Variants in FBXO34 observed in about 807,000 individuals in gnomAD.
The protein encoded by FBXO34 is F-box protein 34.
FBXO34 carries 12 observed loss-of-function variants against 24.5 expected under a neutral mutation model. The observed-to-expected ratio is 0.49, with a 90% CI of 0.31 to 0.79. The LOEUF (loss-of-function observed/expected upper bound fraction) is 0.79. Among genes scored for constraint, FBXO34 ranks in the 30% least tolerant of loss-of-function variants. The pLI is 0.04. For synonymous variants in FBXO34, 320 were observed against 311.9 expected (o/e 1.03, Z -0.27); for missense variants, 823 against 857.7 (o/e 0.96, Z 0.51).
At chr14:55,314,879 C>A (rs2140008703) in intron 1 of FBXO34, among the ~76,000 whole-genome samples, 1 of 152,296 alleles carries the variant, frequency 6.6e-6, no homozygotes, top group South Asian at 2.1e-4. Context: ...CTTCATCCCC[C>A]CACTTCTCCC....
chr14:55,390,995 GA>G, the FBXO34 span: 9 of 1,596,718 alleles, frequency 5.6e-6, no homozygotes, highest in Non-Finnish European at 7.7e-6. Flanking sequence ...TTCCATCTCT[GA>G]AAAAAGCATG....
downstream of FBXO34, chr14:55,369,190 A>T (rs1353560123): frequency 6.5e-6 from 1 of 154,608 alleles, no homozygotes. Flanking sequence ...ATGTCCTAAT[A>T]ATCAAGAATC....
the FBXO34 span, chr14:55,411,962 C>T: frequency 7.9e-6 from 6 of 754,804 alleles, no homozygotes; most frequent in Middle Eastern, 3.9e-4. Context: ...GTTCCTGTCC[C>T]GGGCACTGTT....
the FBXO34 span, among the ~76,000 whole-genome samples, chr14:55,380,876 T>TATATA: frequency 0.16 from 12,772 of 79,818 alleles, 683 homozygotes; most frequent in Non-Finnish European, 0.2. Context: ...TATATATATA[T>TATATA]TTTTTTTTTT....
At chr14:55,312,645 T>G (rs59871474) in intron 1 of FBXO34, among the ~76,000 whole-genome samples, 5 of 152,082 alleles carry the variant, frequency 3.3e-5, no homozygotes, top group African/African-American at 9.7e-5. Context: ...TTCTTGACTT[T>G]CGTGCACCTG....
chr14:55,369,092 G>A (rs1280032316), downstream of FBXO34: 1 of 152,484 alleles, frequency 6.6e-6, no homozygotes, highest in South Asian at 2.1e-4. Context: ...CAAAATCAAA[G>A]GACCAAATTA....
At position 55,351,565 on chromosome 14, in the gene FBXO34, G is replaced by T; in HGVS notation, c.1175G>T (p.Gly392Val). Residue 392 changes from glycine (G) to valine (V), a missense_variant, in exon 2 of 2, where the codon GGT (glycine) becomes GTT (valine). Gly to Val is a moderately radical substitution (Grantham distance 109). Around this residue, in one of 2 missense-constraint regions of FBXO34, gnomAD observed 693 missense variants for 659.1 expected, o/e 1.05. Coordinates refer to ENST00000313833, the MANE Select transcript of FBXO34 (RefSeq NM_017943.4). ...FHIDSAELEP[G>V]SQTAVKNSNR... ...ATAGACAGTGCAGAGTTAGAGCCGG[G>T]TTCGCAAACTGCCGTGAAAAACAGC... The T allele has an allele frequency of 6.2e-7, 1 of 1,614,164 alleles. No homozygotes were observed. The highest frequency in any genetic ancestry group is 8.5e-7 in the Non-Finnish European group (1 of 1,180,032).
At chr14:55,374,898 C>A (rs552624213), downstream of FBXO34, among the ~76,000 whole-genome samples, 9 of 152,288 alleles carry the variant, frequency 5.9e-5, no homozygotes, top group South Asian at 1.9e-3. Flanking sequence ...GTTTTAATTA[C>A]CTTTATGCTA....
At chr14:55,329,836 T>A (rs1442309219) in intron 1 of FBXO34, among the ~76,000 whole-genome samples, 2 of 152,120 alleles carry the variant, frequency 1.3e-5, no homozygotes, top group Non-Finnish European at 2.9e-5. Flanking sequence ...AGGAAAACTA[T>A]CAGCTTTCAG....
chr14:55,280,111 T>C (rs1483536022), intron 1 of FBXO34, among the ~76,000 whole-genome samples: 2 of 152,226 alleles, frequency 1.3e-5, no homozygotes, highest in African/African-American at 4.8e-5. Context: ...CTAGTATTTA[T>C]ATACATTTTA....
rs1884425859 is a variant in FBXO34 at position 55,352,517 on chromosome 14, G to A, written c.2127G>A (p.Glu709=). ...HKKAKGTEAE[E]EY ...AAGCAAAAGGGACTGAAGCTGAAGA[G>A]GAATACTAAAGTCCATGTGAGAGGC... The change falls in exon 2 of 2, where the codon GAG becomes GAA. Residue 709 remains glutamate, a synonymous_variant. Transcript: ENST00000313833. 2 of 1,603,896 alleles carry A rather than the reference G, an allele frequency of 1.2e-6. No individual in the cohort carries two copies. Among genetic ancestry groups the A allele is most frequent in the Non-Finnish European group, 8.5e-7 (1 of 1,175,158 alleles).
intron 1 of FBXO34, among the ~76,000 whole-genome samples, chr14:55,322,328 A>T (rs1883166052): frequency 7.1e-6 from 1 of 140,914 alleles, no homozygotes; most frequent in African/African-American, 2.7e-5. Flanking sequence ...AAAAAAAAAA[A>T]TACAAACAAG....
rs142255789 is a variant in FBXO34 at position 55,311,994 on chromosome 14, G to A, written c.-10-38387G>A. Among the ~76,000 whole-genome samples the A allele has an allele frequency of 1.1e-3, 169 of 152,316 alleles. 1 individual carries two copies. Among genetic ancestry groups the A allele is most frequent in the African/African-American group, 3.6e-3 (149 of 41,574 alleles). ...AGGCAGGCAGATCACGAGGTAAGGC[G>A]TTCGAGACCAGCCTGACCAACATGG... On this transcript the variant is annotated intron_variant, in intron 1 of 1. Coordinates refer to ENST00000313833, the MANE Select transcript of FBXO34 (RefSeq NM_017943.4).
the FBXO34 span, among the ~76,000 whole-genome samples, chr14:55,426,126 G>C: frequency 4.6e-5 from 7 of 152,128 alleles, no homozygotes; most frequent in East Asian, 1.4e-3. Flanking sequence ...AATTAGCCGG[G>C]TGTGGTGGTG....
chr14:55,332,753 A>G (rs1034175282), intron 1 of FBXO34, among the ~76,000 whole-genome samples: 2 of 152,140 alleles, frequency 1.3e-5, no homozygotes, highest in African/African-American at 4.8e-5. Context: ...TGTAATGGCT[A>G]CTTCTGTAGC....
At chr14:55,299,169 A>G in intron 1 of FBXO34, 1 of 1,050,154 alleles carries the variant, frequency 9.5e-7, no homozygotes, top group East Asian at 2.4e-5. Flanking sequence ...TGGCCCCGAA[A>G]CAGTCCCTCT....
downstream of FBXO34, among the ~76,000 whole-genome samples, chr14:55,375,008 A>G (rs898304118): frequency 1.3e-5 from 2 of 152,224 alleles, no homozygotes; most frequent in Non-Finnish European, 2.9e-5. Context: ...TCAAAGCTCC[A>G]TGAAATACGA....
chr14:55,390,881 G>A, the FBXO34 span: 1 of 1,467,974 alleles, frequency 6.8e-7, no homozygotes, highest in Non-Finnish European at 9.4e-7. Context: ...GCACTTTCTA[G>A]GGCTGGAAGG....
the FBXO34 span, among the ~76,000 whole-genome samples, chr14:55,408,961 G>A: frequency 1.5e-4 from 23 of 152,220 alleles, no homozygotes; most frequent in Admixed American, 4.6e-4. Context: ...AATGCAATGG[G>A]AGCCAATGAA....
Sources: gnomAD v4.1 joint callset for allele counts (sites outside exome capture counted in the v4.1 genomes callset) on GRCh38, gnomAD v4.1.1 for gene constraint, gnomAD v4.1.1 regional missense constraint, MANE v1.5 for transcripts, NCBI Gene and HGNC (gene_info 2026-07-23, HGNC 2026-07-21) for gene names.